Variants in TACC2 observed in about 807,000 individuals in gnomAD.
TACC2 encodes the protein transforming acidic coiled-coil-containing protein 2.
In TACC2, 137 loss-of-function variants were observed where a neutral mutation model predicts 227.3. That is an observed-to-expected ratio of 0.60 (90% CI 0.52 to 0.69). The LOEUF (loss-of-function observed/expected upper bound fraction) is 0.69. Ranked by LOEUF, TACC2 falls within the 30% of genes least tolerant of loss-of-function variation. The pLI is 0.00. For synonymous variants in TACC2, 1,523 were observed against 1,487.5 expected, an observed-to-expected ratio of 1.02 and a Z score of -0.55; for missense variants, 3,470 against 3,694.4, an observed-to-expected ratio of 0.94 and a Z score of 1.57.
chr10:122,122,245 C>T (rs1191378043), intron 5 of TACC2, among the ~76,000 whole-genome samples: 1 of 152,146 alleles, frequency 6.6e-6, no homozygotes, highest in Non-Finnish European at 1.5e-5. Context: ...GTCCCAGCTA[C>T]TCAGGAGGCT....
At chr10:122,134,783 G>A (rs187682958) in intron 6 of TACC2, among the ~76,000 whole-genome samples, 213 of 152,338 alleles carry the variant, frequency 1.4e-3, no homozygotes, top group East Asian at 4.4e-3. Flanking sequence ...GGGGGATGCG[G>A]GGGCACGAGG....
rs779879643 is a variant in TACC2, at chr10:122,237,934, C to G, written c.8272-27C>G. On this transcript the variant is annotated intron_variant, in intron 17 of 22. Coordinates refer to ENST00000369005, the MANE Select transcript of TACC2 (RefSeq NM_206862.4). ...GCTGAATTCACTCATTTGGGGCTAA[C>G]CTTTCTCTTCTTCTCTCTGAAACTA... is the stretch of plus-strand genomic sequence containing the variant. The G allele has an allele frequency of 1.9e-6, 3 of 1,579,264 alleles. No homozygotes were observed. In the South Asian group the frequency reaches 3.3e-5, roughly 18 times the overall value.
At chr10:122,235,158 C>T (rs939733106) in intron 16 of TACC2, among the ~76,000 whole-genome samples, 1 of 152,236 alleles carries the variant, frequency 6.6e-6, no homozygotes, top group Non-Finnish European at 1.5e-5. Context: ...GCGATCTCAG[C>T]TCACTGCAAC....
intron 5 of TACC2, 147 bp from the exon 6 acceptor site, chr10:122,132,462 T>C (rs1212191592): frequency 3.3e-6 from 3 of 909,518 alleles, no homozygotes; most frequent in Non-Finnish European, 5.1e-6. Context: ...GGGAGGAGAA[T>C]TGCCTGTACC....
intron 7 of TACC2, among the ~76,000 whole-genome samples, chr10:122,156,559 T>C (rs1377918554): frequency 6.6e-6 from 1 of 151,946 alleles, no homozygotes; most frequent in African/African-American, 2.4e-5. Context: ...TTCTGAGGGC[T>C]TCTCTCAGTT....
intron 5 of TACC2, among the ~76,000 whole-genome samples, chr10:122,114,884 A>C (rs1237623972): frequency 6.6e-6 from 1 of 152,244 alleles, no homozygotes; most frequent in Non-Finnish European, 1.5e-5. Context: ...CTCTTAAAAA[A>C]ATAATGTTCA....
In TACC2 at chr10:122,141,335, A is replaced by G. The variant is rs1217795727; in HGVS notation, c.5700-2237A>G. ...CTGGGTATGAGCCAACAGGCGGTGGAAGGAGGGGGGCGCCTTTCTTAAATG... is the reference window on the plus strand; with the variant it reads ...CTGGGTATGAGCCAACAGGCGGTGGGAGGAGGGGGGCGCCTTTCTTAAATG... On this transcript the variant is annotated intron_variant, in intron 6 of 22. Transcript: ENST00000369005. This position sits in a 1 kb window ranked among gnomAD's most constrained non-coding sequence, Gnocchi z 4.3. 1.3e-5 allele frequency among the ~76,000 whole-genome samples: 2 copies of G among 151,972 alleles called. No individual in the cohort carries two copies. Among genetic ancestry groups the G allele is most frequent in the Admixed American group, 6.6e-5 (1 of 15,244 alleles).
chr10:122,190,387 G>C (rs190012170), intron 7 of TACC2, among the ~76,000 whole-genome samples: 78 of 152,252 alleles, frequency 5.1e-4, no homozygotes, highest in African/African-American at 1.8e-3. Flanking sequence ...GAGCTTTTCC[G>C]ACTGTGCTCT....
intron 6 of TACC2, among the ~76,000 whole-genome samples, chr10:122,134,897 T>A (rs2420998): frequency 1.1e-4 from 17 of 152,194 alleles, no homozygotes; most frequent in African/African-American, 3.6e-4. Context: ...CTCCCATGCC[T>A]GAGACTGCAT....
intron 7 of TACC2, among the ~76,000 whole-genome samples, chr10:122,190,235 C>G (rs1164503482): frequency 6.6e-6 from 1 of 152,148 alleles, no homozygotes; most frequent in Admixed American, 6.5e-5. Flanking sequence ...AATATTTAAA[C>G]CAGATCACAA....
chr10:122,072,333 T>G (rs1370226559), intron 3 of TACC2, among the ~76,000 whole-genome samples: 3 of 152,192 alleles, frequency 2.0e-5, no homozygotes, highest in Non-Finnish European at 4.4e-5. Context: ...GTACTTGTTT[T>G]GTTTGTTTGT....
chr10:122,036,773 C>A (rs940862580), intron 2 of TACC2, among the ~76,000 whole-genome samples: 2 of 152,158 alleles, frequency 1.3e-5, no homozygotes, highest in African/African-American at 4.8e-5. Context: ...TGAGCCTCTG[C>A]TTTCTATTCT....
At chr10:122,131,177 C>CA (rs10572276) in intron 5 of TACC2, among the ~76,000 whole-genome samples, 1,654 of 95,152 alleles carry the variant, frequency 0.017, 34 homozygotes, top group African/African-American at 0.054. Flanking sequence ...GACGCTTTCT[C>CA]AAAAAAAAAA....
intron 18 of TACC2, among the ~76,000 whole-genome samples, chr10:122,239,814 G>A (rs888059595): frequency 2.0e-5 from 3 of 152,166 alleles, no homozygotes; most frequent in African/African-American, 7.2e-5. Flanking sequence ...TTGGTAGCCC[G>A]AATGTCAGCC....
chr10:122,026,313 CAAAA>C (rs71022883), intron 2 of TACC2, among the ~76,000 whole-genome samples: 4 of 71,204 alleles, frequency 5.6e-5, no homozygotes, highest in East Asian at 4.6e-4. Context: ...GACTCTGTCT[CAAAA>C]AAAAAAAAAA....
chr10:122,181,887 T>TA (rs397939272), intron 7 of TACC2, among the ~76,000 whole-genome samples: 58 of 152,328 alleles, frequency 3.8e-4, no homozygotes, highest in Middle Eastern at 3.4e-3. Context: ...TTCTTTTTTT[T>TA]ATCATGTAAA....
intron 5 of TACC2, among the ~76,000 whole-genome samples, chr10:122,116,758 T>A (rs1300353401): frequency 1.3e-5 from 2 of 152,218 alleles, no homozygotes; most frequent in Non-Finnish European, 2.9e-5. Flanking sequence ...ATTAGTGTTG[T>A]TTTTAAATGC....
At chr10:122,232,239 C>G (rs990057505) in intron 16 of TACC2, among the ~76,000 whole-genome samples, 1 of 152,204 alleles carries the variant, frequency 6.6e-6, no homozygotes, top group Non-Finnish European at 1.5e-5. Flanking sequence ...TCCTTGGGGC[C>G]TAAAGACAGA....
intron 3 of TACC2, among the ~76,000 whole-genome samples, chr10:122,060,549 T>C (rs546743062): frequency 6.6e-6 from 1 of 152,342 alleles, no homozygotes; most frequent in Non-Finnish European, 1.5e-5. Context: ...TTTTCACCTC[T>C]CAAGAACCAA....
Sources: gnomAD v4.1 joint callset for allele counts (sites outside exome capture counted in the v4.1 genomes callset) on GRCh38, gnomAD v4.1.1 for gene constraint, Gnocchi (gnomAD v3.1) non-coding constraint, MANE v1.5 for transcripts, NCBI Gene and HGNC (gene_info 2026-07-23, HGNC 2026-07-21) for gene names.